Variants in DIP2C observed in about 807,000 individuals in gnomAD.
DIP2C encodes DIP2 acetate--CoA ligase C (putative).
DIP2C carries 33 observed loss-of-function variants against 192.4 expected under a neutral mutation model. The observed-to-expected ratio is 0.17, with a 90% CI of 0.13 to 0.23. The LOEUF (loss-of-function observed/expected upper bound fraction) is 0.23, where lower values mean the gene tolerates loss of function less well. Among genes scored for constraint, DIP2C ranks in the 10% least tolerant of loss-of-function variants. DIP2C has a pLI of 1.00. For synonymous variants in DIP2C, 979 were observed against 864.1 expected, an observed-to-expected ratio of 1.13 and a Z score of -2.33; for missense variants, 1,537 against 2,110.1, an observed-to-expected ratio of 0.73 and a Z score of 5.32.
At chr10:405,787 G>A (rs1468075715) in intron 9 of DIP2C, among the ~76,000 whole-genome samples, 1 of 152,176 alleles carries the variant, frequency 6.6e-6, no homozygotes, top group African/African-American at 2.4e-5. Context: ...GGGGAGCAAA[G>A]GCCTTTCCGG....
intron 1 of DIP2C, among the ~76,000 whole-genome samples, chr10:589,943 C>T (rs75468908): frequency 6.6e-6 from 1 of 152,200 alleles, no homozygotes. Context: ...TGCTGAGAAG[C>T]GTGTGATAAG....
intron 2 of DIP2C, among the ~76,000 whole-genome samples, chr10:481,120 AC>A (rs1170592736): frequency 6.6e-6 from 1 of 152,100 alleles, no homozygotes; most frequent in Non-Finnish European, 1.5e-5. Flanking sequence ...TCATGGCACA[AC>A]AAGAATACGG....
chr10:535,524 C>A (rs1485220472), intron 1 of DIP2C, among the ~76,000 whole-genome samples: 2 of 152,100 alleles, frequency 1.3e-5, no homozygotes, highest in Non-Finnish European at 2.9e-5. Context: ...GTAGTGTTTC[C>A]TGTTACCTAT....
intron 1 of DIP2C, among the ~76,000 whole-genome samples, chr10:509,606 G>A (rs894610873): frequency 2.6e-4 from 39 of 152,194 alleles, no homozygotes; most frequent in African/African-American, 8.4e-4. Flanking sequence ...CTCACTCTGC[G>A]CCAGGAGATC....
chr10:389,847 C>G (rs1963313006), intron 13 of DIP2C, 144 bp downstream of exon 13: 1 of 693,276 alleles, frequency 1.4e-6, no homozygotes, highest in Admixed American at 2.7e-5. Context: ...AGCTGATATC[C>G]TAACTCAACA....
chr10:415,908 G>A lies in DIP2C; in HGVS notation c.740-20C>T, dbSNP rs567707313. Reference sequence around the variant, plus strand: ...GTACTCCTGAAAAACAGGAATCAGCGGGTGGGGAAAGCGATCATCACAGCT... The same window carrying A: ...GTACTCCTGAAAAACAGGAATCAGCAGGTGGGGAAAGCGATCATCACAGCT... On this transcript the variant is annotated intron_variant, in intron 6 of 36. Coordinates refer to ENST00000280886, the MANE Select transcript of DIP2C (RefSeq NM_014974.3). The A allele has an allele frequency of 2.2e-5, 36 of 1,613,422 alleles. 1 individual carries two copies. The highest frequency in any genetic ancestry group is 5.5e-5 in the South Asian group (5 of 91,010).
chr10:395,511 A>T (rs189441287), intron 10 of DIP2C, among the ~76,000 whole-genome samples: 312 of 152,296 alleles, frequency 2.0e-3, no homozygotes, highest in African/African-American at 6.6e-3. Flanking sequence ...GGGTCTCTGT[A>T]CTTCACCTGT....
At chr10:597,711 C>T (rs528420219) in intron 1 of DIP2C, among the ~76,000 whole-genome samples, 38 of 152,342 alleles carry the variant, frequency 2.5e-4, no homozygotes, top group African/African-American at 7.7e-4. Context: ...CGTAAGTCTT[C>T]AGAGGCTCCT....
rs577973834 is a variant in DIP2C at position 377,750 on chromosome 10, CTTTGA to C, written c.1991+4892_1991+4896del. ...ACCCTTCTCCCTGCGGACACGTCTT[CTTTGA>C]TTTTTCTCCCAGCTAACTTCGAGCT... On this transcript the variant is annotated intron_variant, in intron 17 of 36. Transcript: ENST00000280886. 9.9e-4 allele frequency among the ~76,000 whole-genome samples: 151 copies of C among 152,302 alleles called. 1 individual carries two copies. The highest frequency in any genetic ancestry group is 3.4e-3 in the African/African-American group (142 of 41,566).
intron 1 of DIP2C, among the ~76,000 whole-genome samples, chr10:514,169 A>T (rs1014377748): frequency 6.6e-6 from 1 of 152,140 alleles, no homozygotes; most frequent in African/African-American, 2.4e-5. Flanking sequence ...AGCTGGCCCC[A>T]CCACAAACAC....
chr10:390,924 G>A (rs567843467), intron 10 of DIP2C, 61 bp from the exon 11 acceptor site: 116 of 1,593,010 alleles, frequency 7.3e-5, no homozygotes, highest in East Asian at 2.9e-4. Context: ...CCCAGCCTTC[G>A]GCCCTCCCTC....
At chr10:303,437 C>G (rs1248990479) in intron 32 of DIP2C, among the ~76,000 whole-genome samples, 1 of 152,138 alleles carries the variant, frequency 6.6e-6, no homozygotes, top group Non-Finnish European at 1.5e-5. Context: ...TTTTGACTCA[C>G]TTATAAAAAC....
intron 1 of DIP2C, among the ~76,000 whole-genome samples, chr10:576,569 T>G (rs76616726): frequency 0.031 from 4,687 of 152,254 alleles, 239 homozygotes; most frequent in African/African-American, 0.1. Context: ...CTACTCCAAT[T>G]TAATACAACC....
intron 1 of DIP2C, among the ~76,000 whole-genome samples, chr10:573,091 G>T (rs973863712): frequency 1.3e-5 from 2 of 152,108 alleles, no homozygotes; most frequent in African/African-American, 4.8e-5. Flanking sequence ...TACAAAGCAC[G>T]TACATTTTAG....
At position 286,341 on chromosome 10, in the gene DIP2C, G is replaced by C. The variant is rs752463852; in HGVS notation, c.4051C>G (p.Pro1351Ala). ...TTGGCAATTATAATCCGAACCCCTG[G>C]AAGTATCTATTTGGGAGAGGAAAAG... ...LPLMESGKIL[P>A]GVRIIIANPE... Residue 1351 changes from proline (P) to alanine (A), a missense_variant, in exon 34 of 37, where the codon CCA (proline) becomes GCA (alanine). Pro to Ala is a conservative substitution (Grantham distance 27). Transcript: ENST00000280886. The C allele has an allele frequency of 1.9e-6, 3 of 1,614,118 alleles. No homozygotes were observed. Among genetic ancestry groups the C allele is most frequent in the South Asian group, 2.2e-5 (2 of 91,068 alleles).
intron 1 of DIP2C, among the ~76,000 whole-genome samples, chr10:524,356 A>G (rs1846921364): frequency 6.6e-6 from 1 of 152,244 alleles, no homozygotes; most frequent in African/African-American, 2.4e-5. Flanking sequence ...AACAGCAGGA[A>G]AATTATTTAA....
chr10:595,296 C>T (rs1255470388), intron 1 of DIP2C, among the ~76,000 whole-genome samples: 1 of 152,168 alleles, frequency 6.6e-6, no homozygotes, highest in Non-Finnish European at 1.5e-5. Flanking sequence ...TTCCTATTTT[C>T]CCCATCCAGG....
intron 13 of DIP2C, 110 bp downstream of exon 13, chr10:389,881 G>A: frequency 1.2e-6 from 1 of 844,988 alleles, no homozygotes; most frequent in Non-Finnish European, 1.9e-6. Flanking sequence ...AGCGGAGCTG[G>A]GCACAAACTT....
intron 9 of DIP2C, among the ~76,000 whole-genome samples, chr10:399,998 T>C (rs548333552): frequency 2.0e-5 from 3 of 152,326 alleles, no homozygotes; most frequent in East Asian, 1.9e-4. Flanking sequence ...GTTCTAAAAG[T>C]GTGGTTAATG....
Sources: allele counts gnomAD v4.1 joint callset (sites outside exome capture counted in the v4.1 genomes callset), GRCh38; gene constraint gnomAD v4.1.1; transcripts MANE v1.5; gene names NCBI Gene and HGNC (gene_info 2026-07-23, HGNC 2026-07-21).